Variants in ADARB2 observed in about 807,000 individuals in gnomAD.
ADARB2 encodes the protein adenosine deaminase RNA specific B2 (inactive).
Under a neutral mutation model 62.2 loss-of-function variants are expected in ADARB2, and 25 were observed. That is an observed-to-expected ratio of 0.40 (90% CI 0.29 to 0.56). The LOEUF (loss-of-function observed/expected upper bound fraction) is 0.56, where lower values mean the gene tolerates loss of function less well. Ranked by LOEUF, ADARB2 falls within the 20% of genes least tolerant of loss-of-function variation. The pLI, the probability that ADARB2 is intolerant of heterozygous loss-of-function variation, is 0.43. For missense variants in ADARB2, 1,071 were observed against 1,077.4 expected, an observed-to-expected ratio of 0.99 and a Z score of 0.08; for synonymous variants, 572 against 500.8, an observed-to-expected ratio of 1.14 and a Z score of -1.90.
chr10:1,710,560 G>T (rs1334644797), intron 1 of ADARB2, among the ~76,000 whole-genome samples: 1 of 152,212 alleles, frequency 6.6e-6, no homozygotes, highest in African/African-American at 2.4e-5. Context: ...CCTTCCCACT[G>T]TCCTTGCCAC....
intron 1 of ADARB2, among the ~76,000 whole-genome samples, chr10:1,624,062 A>G (rs1257618106): frequency 1.3e-5 from 2 of 151,848 alleles, no homozygotes; most frequent in Non-Finnish European, 2.9e-5. Flanking sequence ...GCAAAACCCC[A>G]TCTCTACTAA....
At chr10:1,492,207 G>A (rs1031566710) in intron 1 of ADARB2, among the ~76,000 whole-genome samples, 2 of 152,206 alleles carry the variant, frequency 1.3e-5, no homozygotes, top group Admixed American at 6.5e-5. Context: ...ATGAGAATGA[G>A]AATGGCTGGG....
intron 8 of ADARB2, among the ~76,000 whole-genome samples, chr10:1,193,293 G>A (rs1211357247): frequency 6.6e-6 from 1 of 152,186 alleles, no homozygotes; most frequent in Non-Finnish European, 1.5e-5. Context: ...TTCCCCCGAG[G>A]TTAAAGTGCA....
At chr10:1,695,134 C>T (rs1479903005) in intron 1 of ADARB2, among the ~76,000 whole-genome samples, 1 of 152,190 alleles carries the variant, frequency 6.6e-6, no homozygotes, top group African/African-American at 2.4e-5. Context: ...GGTTCACTCA[C>T]CACCAGCAGC....
At chr10:1,490,013 A>AG (rs1475974626) in intron 1 of ADARB2, among the ~76,000 whole-genome samples, 28 of 152,236 alleles carry the variant, frequency 1.8e-4, no homozygotes, top group Admixed American at 4.6e-4. Flanking sequence ...CTTGCAGCTG[A>AG]CTGACAATTT....
chr10:1,184,789 C>A, intron 9 of ADARB2, 72 bp downstream of exon 9: 1 of 1,532,750 alleles, frequency 6.5e-7, no homozygotes, highest in South Asian at 1.2e-5. Context: ...TGGCCTCTCC[C>A]AAGAGCTTGC....
At chr10:1,692,444 G>T (rs1017874296) in intron 1 of ADARB2, among the ~76,000 whole-genome samples, 1 of 152,182 alleles carries the variant, frequency 6.6e-6, no homozygotes, top group Non-Finnish European at 1.5e-5. Flanking sequence ...TTCAGCCTTT[G>T]TGGACAAGCA....
Position 1,378,944 on chromosome 10 carries a change from G to A in ADARB2, c.187+130C>T, listed in dbSNP as rs1332399064. The A allele has an allele frequency of 7.0e-6, 5 of 718,528 alleles. No homozygotes were observed. The Admixed American group carries it at 7.5e-5, about 11-fold the overall frequency. The allele number at this position is 718,528 out of a possible 1,614,324, so 44.5% of individuals were successfully genotyped here. ...CTGTGGAGGAATGAGAGCAGATACT[G>A]TCTCTCCAGGTAAGACCAAACAGAC... On this transcript the variant is annotated intron_variant, in intron 2 of 9. Coordinates refer to ENST00000381312, the MANE Select transcript of ADARB2 (RefSeq NM_018702.4).
intron 1 of ADARB2, among the ~76,000 whole-genome samples, chr10:1,695,886 A>G (rs1324501610): frequency 2.0e-5 from 3 of 152,130 alleles, no homozygotes; most frequent in East Asian, 3.9e-4. Context: ...GAGGACACAC[A>G]CATGCATGAG....
intron 7 of ADARB2, among the ~76,000 whole-genome samples, chr10:1,201,623 A>G (rs1836986505): frequency 6.7e-6 from 1 of 149,808 alleles, no homozygotes. Flanking sequence ...GGATGGTCGT[A>G]AGCCACAGAG....
intron 3 of ADARB2, among the ~76,000 whole-genome samples, chr10:1,327,266 CACTGCACAGCGCCTCCT>C (rs1589193307): frequency 2.1e-5 from 2 of 97,232 alleles, no homozygotes; most frequent in Admixed American, 9.2e-5. Context: ...AGCGCCTCCT[CACTGCACAGCGCCTCCT>C]CACTGCCCAG....
intron 1 of ADARB2, among the ~76,000 whole-genome samples, chr10:1,614,425 A>T (rs1385837695): frequency 6.6e-6 from 1 of 152,254 alleles, no homozygotes; most frequent in African/African-American, 2.4e-5. Context: ...GATTTTATTT[A>T]TCTAAATTAA....
At chr10:1,306,061 C>G (rs1483442447) in intron 3 of ADARB2, among the ~76,000 whole-genome samples, 2 of 152,028 alleles carry the variant, frequency 1.3e-5, no homozygotes, top group African/African-American at 2.4e-5. Context: ...CTGGCCAGTG[C>G]AATTAGGCAG....
intron 1 of ADARB2, among the ~76,000 whole-genome samples, chr10:1,650,188 G>A (rs934870140): frequency 1.3e-5 from 2 of 152,232 alleles, no homozygotes; most frequent in African/African-American, 4.8e-5. Flanking sequence ...CATAGATTAA[G>A]TGGCAGCTCT....
At chr10:1,456,334 C>A (rs538794574) in intron 1 of ADARB2, among the ~76,000 whole-genome samples, 47 of 152,282 alleles carry the variant, frequency 3.1e-4, no homozygotes, top group African/African-American at 1.1e-3. Context: ...AACCAACCAA[C>A]CAAGTCACTT....
intron 1 of ADARB2, chr10:1,556,796 C>A (rs1383442869): frequency 1.9e-6 from 1 of 534,480 alleles, no homozygotes; most frequent in African/African-American, 1.9e-5. Context: ...GACCACAGCT[C>A]TGTCCCTGGA....
intron 1 of ADARB2, among the ~76,000 whole-genome samples, chr10:1,498,689 T>G (rs1450938847): frequency 6.6e-6 from 1 of 152,200 alleles, no homozygotes; most frequent in African/African-American, 2.4e-5. Flanking sequence ...ACCAATACAA[T>G]GGTGAATGAA....
intron 1 of ADARB2, among the ~76,000 whole-genome samples, chr10:1,518,499 G>A (rs1021295698): frequency 1.1e-4 from 16 of 152,238 alleles, no homozygotes; most frequent in African/African-American, 3.9e-4. Context: ...GGTGTCAGAT[G>A]GAGCCTTCCA....
chr10:1,588,451 A>G (rs2132005853), intron 1 of ADARB2, among the ~76,000 whole-genome samples: 1 of 152,306 alleles, frequency 6.6e-6, no homozygotes, highest in South Asian at 2.1e-4. Flanking sequence ...TAATGTGCAG[A>G]TTGTCTTAAA....
Sources: gnomAD v4.1 joint callset for allele counts (sites outside exome capture counted in the v4.1 genomes callset) on GRCh38, gnomAD v4.1.1 for gene constraint, MANE v1.5 for transcripts, NCBI Gene and HGNC (gene_info 2026-07-23, HGNC 2026-07-21) for gene names.